Variants in NPRL3 observed in about 807,000 individuals in gnomAD.
NPRL3 encodes the protein NPR3 like, GATOR1 complex subunit.
Under a neutral mutation model 57.2 loss-of-function variants are expected in NPRL3, and 23 were observed. That is an observed-to-expected ratio of 0.40 (90% CI 0.29 to 0.57). The LOEUF (loss-of-function observed/expected upper bound fraction) is 0.57, where lower values mean the gene tolerates loss of function less well. Among genes scored for constraint, NPRL3 ranks in the 20% least tolerant of loss-of-function variants. NPRL3 has a pLI of 0.42. For synonymous variants in NPRL3, 333 were observed against 321.1 expected (o/e 1.04, Z -0.39); for missense variants, 691 against 767.1 (o/e 0.90, Z 1.17).
At chr16:113,905 T>G (rs929299008) in intron 5 of NPRL3, among the ~76,000 whole-genome samples, 1 of 152,180 alleles carries the variant, frequency 6.6e-6, no homozygotes. Flanking sequence ...TGGATGGACT[T>G]ACAACAAGGC....
Position 98,262 on chromosome 16 carries a change from G to T in NPRL3, c.807C>A (p.Ser269=), listed in dbSNP as rs1033607990. The T allele has an allele frequency of 6.2e-7, 1 of 1,613,998 alleles. No individual in the cohort carries two copies. Among genetic ancestry groups the T allele is most frequent in the Non-Finnish European group, 8.5e-7 (1 of 1,179,884 alleles). The change falls in exon 9 of 14, where the codon TCC becomes TCA. Residue 269 remains serine, a synonymous_variant. Transcript: ENST00000611875. ...AGTCAATAGGAAGCTCACCCAGCAA[G>T]GACTTCTCATCACTGAGCAGCAGCA... is the stretch of plus-strand genomic sequence containing the variant. ...HALLLLSDEK[S]LLGELPIDCS...
At chr16:128,585 G>A (rs540771428) in intron 3 of NPRL3, among the ~76,000 whole-genome samples, 9 of 152,222 alleles carry the variant, frequency 5.9e-5, no homozygotes, top group East Asian at 5.8e-4. Flanking sequence ...TGGCTAACAC[G>A]GTGAAACCCC....
At position 112,230 on chromosome 16, in the gene NPRL3, C is replaced by G. The variant is rs568473809; in HGVS notation, c.547+392G>C. ...TGCAGCAGTGTGTGGGAAGAAAGAA[C>G]ATTTCTGGTCGGGAAATCTATTTCA... On this transcript the variant is annotated intron_variant, in intron 6 of 13. Transcript: ENST00000611875. Among the ~76,000 whole-genome samples, 18 of 152,336 alleles carry G rather than the reference C, an allele frequency of 1.2e-4. No individual in the cohort carries two copies. The South Asian group carries it at 3.7e-3, about 32-fold the overall frequency.
Position 93,261 on chromosome 16 carries a change from T to C in NPRL3, c.989A>G (p.Glu330Gly). ...GKAIIIYPLC[E>G]NNVYMLSPNA... ...GGGAGACAGCATGTAGACGTTGTTC[T>C]CACACAGCGGGTAGATGATGATGGC... Residue 330 changes from glutamate (E) to glycine (G), a missense_variant, in exon 10 of 14, where the codon GAG becomes GGG. Glu to Gly is a moderately conservative substitution (Grantham distance 98, BLOSUM62 -2). Transcript: ENST00000611875. The C allele has an allele frequency of 6.4e-7, 1 of 1,560,570 alleles. No individual in the cohort carries two copies. Among genetic ancestry groups the C allele is most frequent in the Non-Finnish European group, 8.7e-7 (1 of 1,152,198 alleles).
intron 3 of NPRL3, among the ~76,000 whole-genome samples, chr16:129,102 G>C: frequency 6.6e-6 from 1 of 152,092 alleles, no homozygotes; most frequent in East Asian, 1.9e-4. Flanking sequence ...TATCCTCATG[G>C]TCATGTCATT....
At position 85,641 on chromosome 16, in the gene NPRL3, C is replaced by G; in HGVS notation, c.*1064G>C. The G allele has an allele frequency of 6.3e-7, 1 of 1,592,726 alleles. No individual in the cohort carries two copies. The highest frequency in any genetic ancestry group is 8.6e-7 in the Non-Finnish European group (1 of 1,165,108). ...CGTGGTCCCCTGGAGCCCAGTGAGC[C>G]GGCTGTAGTGGCAGCAGCCCGGGTG... On this transcript the variant is annotated 3_prime_UTR_variant, in exon 14 of 14. Transcript: ENST00000611875.
chr16:131,613 A>C (rs920893911), intron 2 of NPRL3, among the ~76,000 whole-genome samples: 3 of 151,488 alleles, frequency 2.0e-5, no homozygotes, highest in African/African-American at 4.8e-5. Context: ...AAAAAAAAAA[A>C]AAAAAACGCT....
chr16:86,005 G>T lies in NPRL3; in HGVS notation c.*700C>A. The T allele has an allele frequency of 4.4e-6, 2 of 452,546 alleles. No homozygotes were observed. Among genetic ancestry groups the T allele is most frequent in the Non-Finnish European group, 7.3e-6 (2 of 273,112 alleles). The allele number at this position is 452,546 out of a possible 1,614,324, so 28.0% of individuals were successfully genotyped here. ...GGGAGCCGAAAGCCCCCGAGGGTGG[G>T]GTCCTGCACAGTGGGCCATGCCTCC... On this transcript the variant is annotated 3_prime_UTR_variant, in exon 14 of 14. Coordinates refer to ENST00000611875, the MANE Select transcript of NPRL3 (RefSeq NM_001077350.3).
intron 11 of NPRL3, chr16:90,256 C>G: frequency 3.7e-6 from 1 of 267,748 alleles, no homozygotes; most frequent in South Asian, 4.9e-5. Flanking sequence ...AGCTGCCCCT[C>G]TGCCTCCTCT....
intron 2 of NPRL3, among the ~76,000 whole-genome samples, chr16:137,551 C>CTTTTTTTT (rs72083020): frequency 1.4e-5 from 2 of 141,788 alleles, no homozygotes; most frequent in East Asian, 4.1e-4. Flanking sequence ...GTTCACGTAA[C>CTTTTTTTT]TTTTTTTTTT....
At chr16:134,691 A>ATTTTT (rs765141529) in intron 2 of NPRL3, among the ~76,000 whole-genome samples, 14 of 108,534 alleles carry the variant, frequency 1.3e-4, no homozygotes, top group African/African-American at 4.5e-4. Flanking sequence ...AGTAATTATT[A>ATTTTT]TTATTTTTTT....
intron 9 of NPRL3, among the ~76,000 whole-genome samples, chr16:97,049 C>T (rs989533954): frequency 1.3e-5 from 2 of 152,230 alleles, no homozygotes; most frequent in African/African-American, 4.8e-5. Context: ...CTGTGTTCCT[C>T]GGCAGCCTCT....
intron 7 of NPRL3, among the ~76,000 whole-genome samples, chr16:100,789 G>A (rs563170401): frequency 4.7e-5 from 7 of 147,864 alleles, no homozygotes; most frequent in Admixed American, 2.7e-4. Context: ...CTAATAACAC[G>A]GTGAAACCCC....
At position 89,799 on chromosome 16, in the gene NPRL3, C is replaced by T. The variant is rs765841003; in HGVS notation, c.1265G>A (p.Arg422His). The T allele has an allele frequency of 5.6e-6, 9 of 1,598,238 alleles. No homozygotes were observed. Among genetic ancestry groups the T allele is most frequent in the African/African-American group, 4.0e-5 (3 of 74,208 alleles). Residue 422 changes from arginine to histidine, a missense_variant, in exon 12 of 14, where the codon CGT (arginine) becomes CAT (histidine). Physicochemically the swap from Arg to His is conservative, Grantham distance 29. Transcript: ENST00000611875. Reference protein sequence around the residue: ...LMASPSEEEPRPREDDVPFTA... With the variant: ...LMASPSEEEPHPREDDVPFTA... The stretch of plus-strand genomic sequence containing the variant: ...GAAGGGGACGTCGTCCTCTCGCGGA[C>T]GGGGCTCCTCCTCGCTGGGTGAGGC...
chr16:120,182 T>C (rs934545745), intron 3 of NPRL3, among the ~76,000 whole-genome samples: 2 of 152,126 alleles, frequency 1.3e-5, no homozygotes, highest in Admixed American at 6.5e-5. Context: ...AGAAGTCCCA[T>C]ACATATCTCT....
At chr16:106,476 A>G (rs1899531905) in intron 7 of NPRL3, among the ~76,000 whole-genome samples, 3 of 152,008 alleles carry the variant, frequency 2.0e-5, no homozygotes, top group Non-Finnish European at 4.4e-5. Flanking sequence ...CCACAAAAAA[A>G]TACAAAAACT....
intron 13 of NPRL3, among the ~76,000 whole-genome samples, chr16:88,305 C>T (rs977937396): frequency 2.7e-5 from 4 of 150,760 alleles, no homozygotes; most frequent in East Asian, 1.9e-4. Context: ...GGCGTGAACC[C>T]GGGAAGCGGA....
chr16:118,747 T>C (rs929118953), intron 4 of NPRL3, among the ~76,000 whole-genome samples: 5 of 152,226 alleles, frequency 3.3e-5, no homozygotes, highest in Non-Finnish European at 5.9e-5. Flanking sequence ...GGTGTCAGCC[T>C]CAGTTCTGAG....
intron 9 of NPRL3, among the ~76,000 whole-genome samples, chr16:96,068 G>A (rs1411383019): frequency 6.6e-6 from 1 of 152,208 alleles, no homozygotes; most frequent in East Asian, 1.9e-4. Flanking sequence ...ATGACAAACA[G>A]CCTTCCCTCT....
Sources: allele counts gnomAD v4.1 joint callset (sites outside exome capture counted in the v4.1 genomes callset), GRCh38; gene constraint gnomAD v4.1.1; transcripts MANE v1.5; gene names NCBI Gene and HGNC (gene_info 2026-07-23, HGNC 2026-07-21).